MICU2: variants seen among roughly 807,000 people sequenced by gnomAD.
MICU2 encodes mitochondrial calcium uptake 2.
MICU2 carries 64 observed loss-of-function variants against 60.4 expected under a neutral mutation model. The observed-to-expected ratio is 1.06, with a 90% CI of 0.87 to 1.31. The LOEUF (loss-of-function observed/expected upper bound fraction) is 1.31. Ranked by LOEUF, MICU2 falls within the 50% of genes most tolerant of loss-of-function variation. The probability of loss-of-function intolerance (pLI) is 0.00; values close to 1 mark genes in which losing one functional copy is unlikely to be tolerated. For missense variants in MICU2, 569 were observed against 531.0 expected, an observed-to-expected ratio of 1.07 and a Z score of -0.70; for synonymous variants, 201 against 175.0, an observed-to-expected ratio of 1.15 and a Z score of -1.17.
chr13:21,518,911 A>G (rs1886647185), intron 6 of MICU2, among the ~76,000 whole-genome samples: 1 of 152,068 alleles, frequency 6.6e-6, no homozygotes, highest in East Asian at 1.9e-4. Flanking sequence ...TTGAAGTTCT[A>G]TTCACTCCTC....
chr13:21,517,462 G>A (rs1212415076), intron 6 of MICU2, among the ~76,000 whole-genome samples: 1 of 152,126 alleles, frequency 6.6e-6, no homozygotes, highest in Non-Finnish European at 1.5e-5. Flanking sequence ...TTGGTTCTTT[G>A]AAGAAAATCT....
intron 2 of MICU2, among the ~76,000 whole-genome samples, chr13:21,539,964 ATC>A (rs1887241081): frequency 6.6e-6 from 1 of 152,224 alleles, no homozygotes; most frequent in South Asian, 2.1e-4. Flanking sequence ...TCTATGATTT[ATC>A]CTAGTTGTAT....
intron 8 of MICU2, 145 bp downstream of exon 8, chr13:21,509,859 A>C (rs3814795): frequency 0.43 from 187,199 of 436,632 alleles, 41,996 homozygotes; most frequent in East Asian, 0.66. Context: ...TTTAGTTCTC[A>C]GAGATAAATA....
chr13:21,502,761 C>CAGT (rs10699329), intron 9 of MICU2, 165 bp downstream of exon 9: 590,126 of 595,252 alleles, frequency 0.99, 292,683 homozygotes, highest in East Asian at 1. Context: ...CTGTCTTAGG[C>CAGT]AGTTTTCCTT....
intron 10 of MICU2, 178 bp from the exon 11 acceptor site, chr13:21,495,496 G>T: frequency 1.8e-6 from 1 of 562,596 alleles, no homozygotes; most frequent in South Asian, 2.9e-5. Flanking sequence ...CGAATGTCAT[G>T]AGAGTCACTG....
chr13:21,539,259 A>G (rs1471193068), intron 4 of MICU2, 43 bp downstream of exon 4: 1 of 1,526,550 alleles, frequency 6.6e-7, no homozygotes, highest in African/African-American at 1.4e-5. Context: ...ACTTCAGTTA[A>G]ATAAAACACA....
intron 2 of MICU2, among the ~76,000 whole-genome samples, chr13:21,553,526 G>T (rs548965473): frequency 1.3e-5 from 2 of 152,182 alleles, no homozygotes; most frequent in East Asian, 3.9e-4. Flanking sequence ...AAGAGCTCCT[G>T]AAGGAAGCAC....
At position 21,535,188 on chromosome 13, in the gene MICU2, T is replaced by C. The variant is rs560578934; in HGVS notation, c.466+4114A>G. Among the ~76,000 whole-genome samples, 95 of 152,346 alleles carry C rather than the reference T, an allele frequency of 6.2e-4. 1 individual carries two copies. Among genetic ancestry groups the C allele is most frequent in the African/African-American group, 2.3e-3 (94 of 41,580 alleles). On this transcript the variant is annotated intron_variant, in intron 4 of 11. Transcript: ENST00000382374. ...TTACTCATTTTTCTTGAAAACACTT[T>C]TTAATAGAATTTCTAAAATCACATT...
At chr13:21,511,791 T>A (rs548914761) in intron 7 of MICU2, among the ~76,000 whole-genome samples, 3 of 152,146 alleles carry the variant, frequency 2.0e-5, no homozygotes, top group Admixed American at 6.5e-5. Flanking sequence ...AATCATACAG[T>A]TTGTAACTTT....
chr13:21,601,725 A>G (rs1179503541), intron 1 of MICU2, among the ~76,000 whole-genome samples: 1 of 152,158 alleles, frequency 6.6e-6, no homozygotes, highest in African/African-American at 2.4e-5. Flanking sequence ...TTCTAGGGAT[A>G]GTGAGTGAAT....
intron 7 of MICU2, 47 bp from the exon 8 acceptor site, chr13:21,510,148 A>G: frequency 1.0e-6 from 1 of 1,002,434 alleles, no homozygotes; most frequent in Non-Finnish European, 1.4e-6. Context: ...AATAAGAATA[A>G]AAATAGAATC....
At chr13:21,551,368 T>C (rs553199845) in intron 2 of MICU2, 19 of 152,508 alleles carry the variant, frequency 1.2e-4, no homozygotes, top group African/African-American at 4.6e-4. Context: ...TAATCTTCTC[T>C]GTATTTTTCC....
chr13:21,542,576 A>T (rs1232960122), intron 2 of MICU2, among the ~76,000 whole-genome samples: 1 of 152,234 alleles, frequency 6.6e-6, no homozygotes, highest in Non-Finnish European at 1.5e-5. Flanking sequence ...TGGGGCAAAA[A>T]ACAGGAAAAA....
chr13:21,557,880 T>C (rs1367988683), intron 2 of MICU2, among the ~76,000 whole-genome samples: 1 of 152,196 alleles, frequency 6.6e-6, no homozygotes, highest in Non-Finnish European at 1.5e-5. Flanking sequence ...TAATCTTTAA[T>C]CATGGTTTAT....
chr13:21,551,447 A>G (rs1887561843), intron 2 of MICU2: 1 of 152,046 alleles, frequency 6.6e-6, no homozygotes, highest in African/African-American at 2.4e-5. Context: ...TTTTTAAATT[A>G]TTTTTATACT....
chr13:21,512,451 T>A (rs939331634), intron 7 of MICU2, among the ~76,000 whole-genome samples: 1 of 146,206 alleles, frequency 6.8e-6, no homozygotes, highest in African/African-American at 2.6e-5. Flanking sequence ...TTTAATTTTT[T>A]TTTTTTTTTT....
chr13:21,528,112 T>A (rs867478205), intron 4 of MICU2, among the ~76,000 whole-genome samples: 9 of 152,220 alleles, frequency 5.9e-5, no homozygotes, highest in Non-Finnish European at 1.0e-4. Context: ...GTTTAAAAAA[T>A]ATATATATAG....
chr13:21,544,359 C>T (rs1456879492), intron 2 of MICU2, among the ~76,000 whole-genome samples: 6 of 151,794 alleles, frequency 4.0e-5, no homozygotes, highest in African/African-American at 7.3e-5. Flanking sequence ...ATGTAAAACG[C>T]TTCTGTACAG....
At chr13:21,515,817 T>C (rs763517999) in intron 6 of MICU2, among the ~76,000 whole-genome samples, 20 of 152,214 alleles carry the variant, frequency 1.3e-4, no homozygotes, top group Non-Finnish European at 2.4e-4. Context: ...AATGCCCCCC[T>C]TTCCCCTACT....
Sources: gnomAD v4.1 joint callset for allele counts (sites outside exome capture counted in the v4.1 genomes callset) on GRCh38, gnomAD v4.1.1 for gene constraint, MANE v1.5 for transcripts, NCBI Gene and HGNC (gene_info 2026-07-23, HGNC 2026-07-21) for gene names.